Variants in ZNF609 observed in about 807,000 individuals in gnomAD.
ZNF609 encodes zinc finger protein 609.
Under a neutral mutation model 109.5 loss-of-function variants are expected in ZNF609, and 11 were observed. The ratio of observed to expected loss-of-function variants is 0.10; its 90% CI spans 0.06 to 0.17. The LOEUF (loss-of-function observed/expected upper bound fraction) is 0.17. ZNF609 is among the 10% of genes least tolerant of loss of function. ZNF609 has a pLI of 1.00. For missense variants in ZNF609, 1,559 were observed against 1,772.4 expected (o/e 0.88, Z 2.16); for synonymous variants, 646 against 662.0 (o/e 0.98, Z 0.37).
chr15:64,557,707 T>G (rs542039298), intron 2 of ZNF609, among the ~76,000 whole-genome samples: 59 of 152,062 alleles, frequency 3.9e-4, no homozygotes, highest in Non-Finnish European at 6.9e-4. Context: ...GATTTTCTGG[T>G]TTTTTTTGGG....
At chr15:64,533,692 T>C (rs781435673) in intron 2 of ZNF609, among the ~76,000 whole-genome samples, 2 of 152,118 alleles carry the variant, frequency 1.3e-5, no homozygotes, top group Non-Finnish European at 2.9e-5. Flanking sequence ...TTGTTTCCCA[T>C]TTTTCTTGTT....
At chr15:64,595,218 G>T (rs572732159) in intron 2 of ZNF609, among the ~76,000 whole-genome samples, 1 of 151,848 alleles carries the variant, frequency 6.6e-6, no homozygotes, top group African/African-American at 2.4e-5. Context: ...AAAATTAGCC[G>T]GGCGTGGTGG....
At chr15:64,635,014 C>G (rs1008096023) in intron 3 of ZNF609, among the ~76,000 whole-genome samples, 51 of 152,026 alleles carry the variant, frequency 3.4e-4, no homozygotes, top group Non-Finnish European at 2.9e-4. Context: ...ACATTTAAAT[C>G]CTGAAGACCT....
intron 3 of ZNF609, among the ~76,000 whole-genome samples, chr15:64,651,852 C>T (rs1365266450): frequency 6.6e-6 from 1 of 152,176 alleles, no homozygotes; most frequent in African/African-American, 2.4e-5. Flanking sequence ...GTAGATTGCT[C>T]CCCTCTTGGG....
At position 64,675,512 on chromosome 15, in the gene ZNF609, C is replaced by T. The variant is rs779930338; in HGVS notation, c.2658C>T (p.Ser886=). 1 of 1,614,020 alleles carries T rather than the reference C, an allele frequency of 6.2e-7. No homozygotes were observed. The highest frequency in any genetic ancestry group is 8.5e-7 in the Non-Finnish European group (1 of 1,180,050). The stretch of plus-strand genomic sequence containing the variant: ...CTCTTTTTCCCCCTCAGCCTCAGAG[C>T]AAAGACTCACCATATTACCAAGGCT... ...KKTLFPPQPQ[S]KDSPYYQGFE... Residue 886 remains serine, a synonymous_variant, in exon 5 of 10, where the codon AGC becomes AGT. Coordinates refer to ENST00000326648, the MANE Select transcript of ZNF609 (RefSeq NM_015042.2).
chr15:64,577,077 A>AAATATATATGT (rs1894985473), intron 2 of ZNF609, among the ~76,000 whole-genome samples: 1 of 54,912 alleles, frequency 1.8e-5, no homozygotes, highest in Non-Finnish European at 4.4e-5. Context: ...TATATACACA[A>AAATATATATGT]ATATATACAT....
chr15:64,496,397 A>C (rs1385126794), intron 1 of ZNF609, among the ~76,000 whole-genome samples: 2 of 152,262 alleles, frequency 1.3e-5, no homozygotes, highest in Non-Finnish European at 2.9e-5. Context: ...TACTGAGGAT[A>C]GTGAGTAACC....
At chr15:64,522,904 A>C (rs1158046271) in intron 2 of ZNF609, among the ~76,000 whole-genome samples, 1 of 152,052 alleles carries the variant, frequency 6.6e-6, no homozygotes, top group East Asian at 1.9e-4. Flanking sequence ...TATGTTGACC[A>C]GTCTAGACCT....
chr15:64,567,978 C>T (rs1011958953), intron 2 of ZNF609, among the ~76,000 whole-genome samples: 5 of 151,998 alleles, frequency 3.3e-5, no homozygotes, highest in African/African-American at 1.2e-4. Context: ...TTTCTCCCTC[C>T]CAACATTTTA....
chr15:64,654,417 A>G (rs1896460825), intron 3 of ZNF609: 1 of 152,036 alleles, frequency 6.6e-6, no homozygotes, highest in African/African-American at 2.4e-5. Context: ...GATATCGTTC[A>G]CTTGGCCATT....
At chr15:64,517,780 TAC>T (rs1489695595) in intron 2 of ZNF609, among the ~76,000 whole-genome samples, 1 of 151,072 alleles carries the variant, frequency 6.6e-6, no homozygotes, top group Non-Finnish European at 1.5e-5. Context: ...ATAAAAATTA[TAC>T]ATATATATTA....
intron 2 of ZNF609, among the ~76,000 whole-genome samples, chr15:64,602,818 G>A (rs1314546182): frequency 2.5e-4 from 34 of 135,298 alleles, no homozygotes; most frequent in African/African-American, 8.8e-4. Context: ...TGCCTCCTGG[G>A]TTCACGCCAT....
At position 64,592,111 on chromosome 15, in the gene ZNF609, G is replaced by A. The variant is rs796192796; in HGVS notation, c.748-30716G>A. Among the ~76,000 whole-genome samples, 14 of 151,398 alleles carry A rather than the reference G, an allele frequency of 9.2e-5. 1 individual carries two copies. The South Asian group carries it at 2.9e-3, about 31-fold the overall frequency. ...GCTCTGGGGGTCAAGGCTGTAGTGAGCCATGATTACATCACTGCACTCCAG... is the reference window on the plus strand; with the variant it reads ...GCTCTGGGGGTCAAGGCTGTAGTGAACCATGATTACATCACTGCACTCCAG... On this transcript the variant is annotated intron_variant, in intron 2 of 9. Transcript: ENST00000326648.
Position 64,685,851 on chromosome 15 carries a change from CAA to C in ZNF609, c.*4166_*4167del, listed in dbSNP as rs932056096. 26 of 152,256 alleles carry C rather than the reference CAA, an allele frequency of 1.7e-4. 1 individual carries two copies. Among genetic ancestry groups the C allele is most frequent in the African/African-American group, 5.6e-4 (23 of 41,410 alleles). The allele number at this position is 152,256 out of a possible 1,614,324, so 9.4% of individuals were successfully genotyped here. A position where few individuals can be genotyped will look rare whatever the true frequency, so the allele number is the denominator to read the frequency against. On this transcript the variant is annotated 3_prime_UTR_variant, in exon 10 of 10. Transcript: ENST00000326648. ...GAACAAGGGCTAAGGGTTTATGGGT[CAA>C]GAGTATTTGATCAGAATTTTAAAGG... is the stretch of plus-strand genomic sequence containing the variant.
rs751465835 is a variant in ZNF609 at position 64,676,004 on chromosome 15, C to T, written c.3150C>T (p.Leu1050=). The change falls in exon 5 of 10, where the codon CTC becomes CTT. Residue 1050 remains leucine, a synonymous_variant. Coordinates refer to ENST00000326648, the MANE Select transcript of ZNF609 (RefSeq NM_015042.2). The part of the protein sequence containing the change: ...WKQKPSIPPT[L]TKAPSLTDLV... ...AAAAGCCGTCAATTCCACCAACTCT[C>T]ACCAAGGCCCCCAGCCTGACAGACC... The T allele has an allele frequency of 2.5e-6, 4 of 1,614,246 alleles. No individual in the cohort carries two copies. Among genetic ancestry groups the T allele is most frequent in the Admixed American group, 3.3e-5 (2 of 60,032 alleles).
Position 64,685,890 on chromosome 15 carries a change from TGAAACACAGCCC to T in ZNF609, c.*4205_*4216del, listed in dbSNP as rs1408229645. 6.6e-6 allele frequency: 1 copy of T among 152,208 alleles called. No homozygotes were observed. Among genetic ancestry groups the T allele is most frequent in the Non-Finnish European group, 1.5e-5 (1 of 68,040 alleles). The allele number at this position is 152,208 out of a possible 1,614,324, so 9.4% of individuals were successfully genotyped here. ...CAGAATTTTAAAGGGTGGTATACTCTGAAACACAGCCCAACCAAACCATTGTTTGGCCGCTTT... is the reference window on the plus strand; with the variant it reads ...CAGAATTTTAAAGGGTGGTATACTCTAACCAAACCATTGTTTGGCCGCTTT... On this transcript the variant is annotated 3_prime_UTR_variant, in exon 10 of 10. Coordinates refer to ENST00000326648, the MANE Select transcript of ZNF609 (RefSeq NM_015042.2).
intron 2 of ZNF609, among the ~76,000 whole-genome samples, chr15:64,618,796 G>A (rs1377899137): frequency 6.6e-6 from 1 of 152,156 alleles, no homozygotes; most frequent in Admixed American, 6.6e-5. Flanking sequence ...TCCAGCCGCT[G>A]TGTCTTCTTC....
chr15:64,684,262 G>A lies in ZNF609; in HGVS notation c.*2576G>A, dbSNP rs901794667. On this transcript the variant is annotated 3_prime_UTR_variant, in exon 10 of 10. Coordinates refer to ENST00000326648, the MANE Select transcript of ZNF609 (RefSeq NM_015042.2). ...GTCAGAGGGATGAGATGCTCAGCAGGGGTCCCCATCCTATCCCACCCCACA... is the reference window on the plus strand; with the variant it reads ...GTCAGAGGGATGAGATGCTCAGCAGAGGTCCCCATCCTATCCCACCCCACA... 3 of 152,258 alleles carry A rather than the reference G, an allele frequency of 2.0e-5. No homozygotes were observed. The highest frequency in any genetic ancestry group is 4.4e-5 in the Non-Finnish European group (3 of 68,146). 9.4% of individuals were successfully genotyped at this position (152,258 alleles called of 1,614,324 possible).
At chr15:64,542,163 T>C (rs1054105226) in intron 2 of ZNF609, among the ~76,000 whole-genome samples, 8 of 152,068 alleles carry the variant, frequency 5.3e-5, no homozygotes, top group Non-Finnish European at 1.2e-4. Flanking sequence ...TCTGAGAAAG[T>C]TGAACCTAAA....
Sources: gnomAD v4.1 joint callset for allele counts (sites outside exome capture counted in the v4.1 genomes callset) on GRCh38, gnomAD v4.1.1 for gene constraint, MANE v1.5 for transcripts, NCBI Gene and HGNC (gene_info 2026-07-23, HGNC 2026-07-21) for gene names.